The following NUTF2 variants were observed in gnomAD, a reference collection of about 807,000 sequenced individuals.
NUTF2 encodes the protein placental protein 15.
In NUTF2, 3 loss-of-function variants were observed where a neutral mutation model predicts 18.5. The observed-to-expected ratio is 0.16, with a 90% CI of 0.07 to 0.42. The LOEUF is 0.42. Among genes scored for constraint, NUTF2 ranks in the 10% least tolerant of loss-of-function variants. The probability of loss-of-function intolerance (pLI) is 0.99; values close to 1 mark genes in which losing one functional copy is unlikely to be tolerated. For synonymous variants in NUTF2, 51 were observed against 57.9 expected (o/e 0.88, Z 0.54); for missense variants, 44 against 160.7 (o/e 0.27, Z 3.93).
chr16:67,855,036 G>A (rs1231443320), intron 1 of NUTF2, among the ~76,000 whole-genome samples: 1 of 151,504 alleles, frequency 6.6e-6, no homozygotes, highest in African/African-American at 2.4e-5. Flanking sequence ...TTAATGTTTT[G>A]ATAGGGCATT....
intron 2 of NUTF2, 35 bp downstream of exon 2, chr16:67,865,264 A>G (rs998927078): frequency 3.8e-5 from 56 of 1,471,896 alleles, no homozygotes; most frequent in Non-Finnish European, 5.0e-5. Context: ...AATGGACCCT[A>G]GGGGATCAAT....
In NUTF2 at chr16:67,868,346, G is replaced by A. The variant is rs769916507; in HGVS notation, c.106G>A (p.Ala36Thr). 1.1e-5 allele frequency: 18 copies of A among 1,613,548 alleles called. No individual in the cohort carries two copies. The highest frequency in any genetic ancestry group is 4.4e-5 in the South Asian group (4 of 91,074). Residue 36 changes from alanine to threonine, a missense_variant, in exon 3 of 5, where the codon GCG becomes ACG. Coordinates refer to ENST00000219169, the MANE Select transcript of NUTF2 (RefSeq NM_005796.3). The part of the protein sequence containing the change: ...RTQLGAIYID[A>T]SCLTWEGQQF... ...TTTCCTGTGCCTTTTTCAGATTGAC[G>A]CGTCATGCCTTACGTGGGAAGGACA...
chr16:67,849,095 C>T (rs1023079267), intron 1 of NUTF2, among the ~76,000 whole-genome samples: 1 of 152,182 alleles, frequency 6.6e-6, no homozygotes, highest in Non-Finnish European at 1.5e-5. Flanking sequence ...CATATCCTGG[C>T]CCATGAGGAC....
chr16:67,862,191 A>C (rs1216538012), intron 1 of NUTF2, among the ~76,000 whole-genome samples: 1 of 152,158 alleles, frequency 6.6e-6, no homozygotes, highest in Non-Finnish European at 1.5e-5. Context: ...ATGCAGAGTT[A>C]GCAGAAAAAA....
chr16:67,860,277 C>G (rs1243018625), intron 1 of NUTF2, among the ~76,000 whole-genome samples: 1 of 152,158 alleles, frequency 6.6e-6, no homozygotes, highest in Non-Finnish European at 1.5e-5. Context: ...TCATGCCCAG[C>G]CTTTTTGTTT....
At chr16:67,854,986 C>A (rs1239510639) in intron 1 of NUTF2, among the ~76,000 whole-genome samples, 1 of 151,160 alleles carries the variant, frequency 6.6e-6, no homozygotes, top group African/African-American at 2.4e-5. Flanking sequence ...TGAGGTTGAG[C>A]CGAACCTTGT....
chr16:67,868,013 CACTG>C (rs1176564857), intron 2 of NUTF2, among the ~76,000 whole-genome samples: 1 of 152,198 alleles, frequency 6.6e-6, no homozygotes, highest in Non-Finnish European at 1.5e-5. Flanking sequence ...TTGGGACTGA[CACTG>C]ACTGACCACA....
intron 1 of NUTF2, among the ~76,000 whole-genome samples, chr16:67,854,147 C>T (rs1448260916): frequency 2.0e-5 from 3 of 152,238 alleles, no homozygotes; most frequent in Non-Finnish European, 4.4e-5. Context: ...GATGGGGTTT[C>T]ACCATGTTGG....
intron 1 of NUTF2, among the ~76,000 whole-genome samples, chr16:67,858,476 C>A (rs2057913204): frequency 6.6e-6 from 1 of 152,136 alleles, no homozygotes; most frequent in South Asian, 2.1e-4. Flanking sequence ...CACTAGACAG[C>A]AACTTTAGAC....
At chr16:67,867,994 G>A (rs2057985878) in intron 2 of NUTF2, among the ~76,000 whole-genome samples, 1 of 152,166 alleles carries the variant, frequency 6.6e-6, no homozygotes, top group Non-Finnish European at 1.5e-5. Context: ...CCACATTTCT[G>A]ATGACCTTTT....
intron 2 of NUTF2, among the ~76,000 whole-genome samples, chr16:67,865,719 CT>C (rs767485714): frequency 0.049 from 6,722 of 136,754 alleles, 367 homozygotes; most frequent in African/African-American, 0.16. Context: ...GCTGGCTGCT[CT>C]TTTTTTTTTT....
chr16:67,852,927 C>T (rs2057870666), intron 1 of NUTF2, among the ~76,000 whole-genome samples: 1 of 152,184 alleles, frequency 6.6e-6, no homozygotes, highest in Non-Finnish European at 1.5e-5. Flanking sequence ...AGGTGATCCA[C>T]CCACCTTGGC....
intron 1 of NUTF2, among the ~76,000 whole-genome samples, chr16:67,859,288 T>C (rs1451104991): frequency 6.6e-6 from 1 of 150,390 alleles, no homozygotes; most frequent in African/African-American, 2.4e-5. Context: ...CAAGCAGTTC[T>C]CCTGCCTTAG....
chr16:67,852,502 G>A (rs1440593057), intron 1 of NUTF2, among the ~76,000 whole-genome samples: 1 of 151,276 alleles, frequency 6.6e-6, no homozygotes, highest in Non-Finnish European at 1.5e-5. Context: ...GATTATACCC[G>A]CCTGCCGGTA....
chr16:67,848,386 T>A (rs1487851135), intron 1 of NUTF2, among the ~76,000 whole-genome samples: 1 of 152,168 alleles, frequency 6.6e-6, no homozygotes, highest in Non-Finnish European at 1.5e-5. Context: ...GGTTCCAGAC[T>A]AGCATGGCCA....
intron 3 of NUTF2, 28 bp from the exon 4 acceptor site, chr16:67,868,473 C>G (rs760940874): frequency 1.2e-6 from 2 of 1,613,748 alleles, no homozygotes; most frequent in Non-Finnish European, 1.7e-6. Context: ...GGCCTTGGTT[C>G]TCCCACCTCC....
chr16:67,857,567 A>T (rs902441443), intron 1 of NUTF2, among the ~76,000 whole-genome samples: 9 of 151,990 alleles, frequency 5.9e-5, no homozygotes, highest in Non-Finnish European at 7.4e-5. Flanking sequence ...CCTAGTATTC[A>T]CCTAGGAACC....
At chr16:67,860,637 G>C (rs560346101) in intron 1 of NUTF2, among the ~76,000 whole-genome samples, 3 of 152,342 alleles carry the variant, frequency 2.0e-5, no homozygotes, top group African/African-American at 7.2e-5. Context: ...TTTCCAGGCT[G>C]TGCCTCAAGG....
intron 2 of NUTF2, among the ~76,000 whole-genome samples, chr16:67,865,953 C>T (rs1476272564): frequency 2.0e-5 from 3 of 152,094 alleles, no homozygotes; most frequent in East Asian, 3.9e-4. Flanking sequence ...CTCCTGACCT[C>T]GTGATCCTCC....
Sources: allele counts gnomAD v4.1 joint callset (sites outside exome capture counted in the v4.1 genomes callset), GRCh38; gene constraint gnomAD v4.1.1; transcripts MANE v1.5; gene names NCBI Gene and HGNC (gene_info 2026-07-23, HGNC 2026-07-21).